OR11A1: variants seen among roughly 807,000 people sequenced by gnomAD.
OR11A1 encodes olfactory receptor 11A1.
For synonymous variants in OR11A1, 158 were observed against 152.2 expected (o/e 1.04, Z -0.28); for missense variants, 380 against 378.2 (o/e 1.00, Z -0.04).
chr6:29,431,877 C>T lies in OR11A1; in HGVS notation c.-278G>A. 4.1e-6 allele frequency: 4 copies of T among 985,262 alleles called. No homozygotes were observed. Among genetic ancestry groups the T allele is most frequent in the Non-Finnish European group, 4.8e-6 (4 of 829,886 alleles). The allele number at this position is 985,262 out of a possible 1,614,324, so 61.0% of individuals were successfully genotyped here. A position where few individuals can be genotyped will look rare whatever the true frequency, so the allele number is the denominator to read the frequency against. On this transcript the variant is annotated 5_prime_UTR_variant, in exon 2 of 5. Coordinates refer to ENST00000377149, the MANE Select transcript of OR11A1 (RefSeq NM_001394828.1). ...AAATAAACGTACCCGAAATATCGAC[C>T]CTGTTCTCTAAAGACAGGACTGTGA... is the stretch of plus-strand genomic sequence containing the variant.
intron 1 of OR11A1, among the ~76,000 whole-genome samples, chr6:29,452,452 T>A (rs915389026): frequency 1.3e-5 from 2 of 152,082 alleles, no homozygotes; most frequent in African/African-American, 4.8e-5. Context: ...CAATACCACA[T>A]CTACATACAT....
At chr6:29,455,023 G>A (rs1785902413) in intron 1 of OR11A1, among the ~76,000 whole-genome samples, 1 of 151,698 alleles carries the variant, frequency 6.6e-6, no homozygotes, top group Admixed American at 6.6e-5. Context: ...AAATTAACAT[G>A]GGTCATATAA....
chr6:29,441,480 G>A (rs73398953), intron 1 of OR11A1, among the ~76,000 whole-genome samples: 7,718 of 152,224 alleles, frequency 0.051, 378 homozygotes, highest in African/African-American at 0.12. Context: ...TTCATATGCC[G>A]CAGAGGTTAA....
intron 1 of OR11A1, among the ~76,000 whole-genome samples, chr6:29,441,767 T>C (rs1012331999): frequency 7.2e-5 from 11 of 152,200 alleles, no homozygotes; most frequent in African/African-American, 2.4e-4. Flanking sequence ...TCCTGGTATC[T>C]GTTGTTCCTT....
intron 1 of OR11A1, among the ~76,000 whole-genome samples, chr6:29,450,860 C>G (rs1785296369): frequency 1.3e-5 from 2 of 152,176 alleles, no homozygotes; most frequent in Admixed American, 6.5e-5. Flanking sequence ...CTAGAAACAA[C>G]TATTCTAAAA....
At chr6:29,440,909 T>A (rs1452801126) in intron 1 of OR11A1, 1 of 1,613,428 alleles carries the variant, frequency 6.2e-7, no homozygotes, top group East Asian at 2.2e-5. Context: ...AGGTCAAAGC[T>A]GCCCTAAAGA....
intron 1 of OR11A1, among the ~76,000 whole-genome samples, chr6:29,451,312 T>C (rs1393634371): frequency 6.6e-6 from 1 of 152,038 alleles, no homozygotes; most frequent in Non-Finnish European, 1.5e-5. Flanking sequence ...CATGATAAAG[T>C]TGTCAAAAGT....
rs1343408182 is a variant in OR11A1, at chr6:29,426,601, C to T, written c.*93G>A. 11 of 906,952 alleles carry T rather than the reference C, an allele frequency of 1.2e-5. No individual in the cohort carries two copies. Among genetic ancestry groups the T allele is most frequent in the South Asian group, 1.8e-5 (1 of 55,040 alleles). The allele number at this position is 906,952 out of a possible 1,614,324, so 56.2% of individuals were successfully genotyped here. ...TGCAGAAGAGTTCAAAGAGAATGGT[C>T]GAATAAGACAAAGTTACTCCTCTCC... On this transcript the variant is annotated 3_prime_UTR_variant, in exon 5 of 5. Coordinates refer to ENST00000377149, the MANE Select transcript of OR11A1 (RefSeq NM_001394828.1).
chr6:29,456,374 G>C (rs1786260950), intron 1 of OR11A1, among the ~76,000 whole-genome samples: 1 of 151,966 alleles, frequency 6.6e-6, no homozygotes, highest in South Asian at 2.1e-4. Context: ...GCTGGGCGTG[G>C]TGGCGGGCGC....
Position 29,427,418 on chromosome 6 carries a change from T to C in OR11A1, c.224A>G (p.Tyr75Cys). Residue 75 changes from tyrosine (Y) to cysteine (C), a missense_variant, in exon 5 of 5, where the codon TAC (tyrosine) becomes TGC (cysteine). Transcript: ENST00000377149. ...LANLSFLDILYTSAVMPKMLE... is the reference protein window; with the variant it reads ...LANLSFLDILCTSAVMPKMLE... ...CATTTTTGGCATCACTGCGGAGGTG[T>C]AGAGAATATCCAGGAAGGACAGATT... is the stretch of plus-strand genomic sequence containing the variant. 2 of 1,613,106 alleles carry C rather than the reference T, an allele frequency of 1.2e-6. No individual in the cohort carries two copies. Among genetic ancestry groups the C allele is most frequent in the Non-Finnish European group, 1.7e-6 (2 of 1,180,028 alleles).
At chr6:29,436,574 G>T (rs1247519954) in intron 1 of OR11A1, among the ~76,000 whole-genome samples, 1 of 152,148 alleles carries the variant, frequency 6.6e-6, no homozygotes, top group African/African-American at 2.4e-5. Flanking sequence ...AAAACTCATA[G>T]GAATCTAACC....
At chr6:29,440,315 GTTC>G (rs763775121) in intron 1 of OR11A1, 8 of 1,614,108 alleles carry the variant, frequency 5.0e-6, no homozygotes, top group Admixed American at 3.3e-5. Context: ...CTCTCCAGAT[GTTC>G]TTCTTCCTCT....
At chr6:29,440,038 T>C in intron 1 of OR11A1, 1 of 1,613,006 alleles carries the variant, frequency 6.2e-7, no homozygotes, top group Non-Finnish European at 8.5e-7. Context: ...ACCTCCATGG[T>C]GACTGAGTTT....
intron 4 of OR11A1, 44 bp downstream of exon 4, chr6:29,428,869 T>C (rs10946990): frequency 0.27 from 209,268 of 778,464 alleles, 29,331 homozygotes; most frequent in Non-Finnish European, 0.29. Context: ...AGAGTTGTAA[T>C]TGAGCATGAC....
intron 1 of OR11A1, among the ~76,000 whole-genome samples, chr6:29,444,960 A>G (rs561979398): frequency 3.3e-5 from 5 of 152,118 alleles, no homozygotes; most frequent in Non-Finnish European, 5.9e-5. Context: ...CACTCACTAT[A>G]GTGCACCCCA....
chr6:29,440,202 C>A (rs755057225), intron 1 of OR11A1: 7 of 1,613,870 alleles, frequency 4.3e-6, no homozygotes, highest in Non-Finnish European at 5.1e-6. Flanking sequence ...CTTCTTCCTG[C>A]GCACCCTCTC....
chr6:29,447,842 C>G (rs1212279262), intron 1 of OR11A1, among the ~76,000 whole-genome samples: 1 of 152,080 alleles, frequency 6.6e-6, no homozygotes, highest in Non-Finnish European at 1.5e-5. Flanking sequence ...CAGCTCATTC[C>G]CCATTCCTCC....
intron 2 of OR11A1, 138 bp downstream of exon 2, chr6:29,431,726 A>G (rs1783240925): frequency 6.6e-6 from 2 of 305,240 alleles, no homozygotes; most frequent in African/African-American, 2.3e-5. Flanking sequence ...ATGATTTTTA[A>G]TAAAAGACTT....
In OR11A1 at chr6:29,428,625, C is replaced by G. The variant is rs544743991; in HGVS notation, c.-92+288G>C. On this transcript the variant is annotated intron_variant, in intron 4 of 4. Transcript: ENST00000377149. ...AAAAAAAATTAGCCGGGCGTGGTGG[C>G]GGGCGCCTGTAGTCCCAGCTACTCG... Among the ~76,000 whole-genome samples the G allele has an allele frequency of 3.8e-4, 57 of 151,856 alleles. No individual in the cohort carries two copies. In the East Asian group the frequency reaches 9.7e-3, roughly 26 times the overall value.
Sources: gnomAD v4.1 joint callset for allele counts (sites outside exome capture counted in the v4.1 genomes callset) on GRCh38, gnomAD v4.1.1 for gene constraint, MANE v1.5 for transcripts, NCBI Gene and HGNC (gene_info 2026-07-23, HGNC 2026-07-21) for gene names.